Variants in EPHA5 observed in about 807,000 individuals in gnomAD.
EPHA5 encodes ephrin type-A receptor 5.
Under a neutral mutation model 105.0 loss-of-function variants are expected in EPHA5, and 60 were observed. The ratio of observed to expected loss-of-function variants is 0.57; its 90% CI spans 0.46 to 0.71. The LOEUF (loss-of-function observed/expected upper bound fraction) is 0.71, where lower values mean the gene tolerates loss of function less well. EPHA5 is among the 30% of genes least tolerant of loss of function. The pLI, the probability that EPHA5 is intolerant of heterozygous loss-of-function variation, is 0.00. For missense variants in EPHA5, 1,218 were observed against 1,274.7 expected (o/e 0.96, Z 0.68); for synonymous variants, 513 against 449.1 (o/e 1.14, Z -1.80).
At position 65,561,048 on chromosome 4, in the gene EPHA5, C is replaced by A. The variant is rs373620730; in HGVS notation, c.910+40593G>T. The stretch of plus-strand genomic sequence containing the variant: ...TTTAAATCACTTCCATTAGTAAGTA[C>A]AAGGCATTTATCGGTACCAATTAAG... On this transcript the variant is annotated intron_variant, in intron 3 of 16. Coordinates refer to ENST00000613740, the MANE Select transcript of EPHA5 (RefSeq NM_001281766.3). Among the ~76,000 whole-genome samples the A allele has an allele frequency of 1.1e-4, 16 of 151,922 alleles. No homozygotes were observed. In the East Asian group the frequency reaches 2.9e-3, roughly 28 times the overall value.
At chr4:65,417,492 G>A (rs1011811153) in intron 6 of EPHA5, among the ~76,000 whole-genome samples, 2 of 152,036 alleles carry the variant, frequency 1.3e-5, no homozygotes, top group African/African-American at 4.8e-5. Context: ...ATTTTAAAAA[G>A]GAAAACACTG....
chr4:65,397,149 C>T lies in EPHA5; in HGVS notation c.1793+7225G>A, dbSNP rs920401873. On this transcript the variant is annotated intron_variant, in intron 8 of 16. Coordinates refer to ENST00000613740, the MANE Select transcript of EPHA5 (RefSeq NM_001281766.3). ...GACTGTCCTTGGAGACAGGTCACTG[C>T]GTCCAGCCCAAATGGTCCAGCAGGA... is the stretch of plus-strand genomic sequence containing the variant. Among the ~76,000 whole-genome samples the T allele has an allele frequency of 9.9e-5, 15 of 152,174 alleles. 1 individual carries two copies. The highest frequency in any genetic ancestry group is 1.6e-4 in the Non-Finnish European group (11 of 68,032).
At chr4:65,609,874 C>A (rs142431136) in intron 2 of EPHA5, among the ~76,000 whole-genome samples, 28 of 151,466 alleles carry the variant, frequency 1.8e-4, no homozygotes, top group Non-Finnish European at 3.5e-4. Flanking sequence ...ACAAAAAAAA[C>A]CCAAAAAGCA....
chr4:65,447,504 AT>A (rs1028192841), intron 5 of EPHA5, among the ~76,000 whole-genome samples: 12 of 150,452 alleles, frequency 8.0e-5, no homozygotes, highest in Non-Finnish European at 1.6e-4. Context: ...TAATATATAT[AT>A]TTTTTCCTAA....
chr4:65,592,234 A>G (rs1742734927), intron 3 of EPHA5, among the ~76,000 whole-genome samples: 1 of 152,150 alleles, frequency 6.6e-6, no homozygotes, highest in Non-Finnish European at 1.5e-5. Flanking sequence ...AAATTCCATT[A>G]AAACTAATAA....
intron 3 of EPHA5, among the ~76,000 whole-genome samples, chr4:65,546,489 A>G (rs939309515): frequency 3.9e-5 from 6 of 152,012 alleles, no homozygotes; most frequent in Non-Finnish European, 8.8e-5. Flanking sequence ...GCCTATTAAC[A>G]ACCTATTTTT....
At chr4:65,576,151 AAG>A (rs1334244495) in intron 3 of EPHA5, among the ~76,000 whole-genome samples, 1 of 149,710 alleles carries the variant, frequency 6.7e-6, no homozygotes, top group Non-Finnish European at 1.5e-5. Context: ...AAGAAAAAGA[AAG>A]AGAGAGAGAA....
At chr4:65,580,790 CT>C (rs373996186) in intron 3 of EPHA5, among the ~76,000 whole-genome samples, 22 of 147,038 alleles carry the variant, frequency 1.5e-4, no homozygotes, top group African/African-American at 2.5e-4. Flanking sequence ...ACACAGTTTA[CT>C]TTTTTTTTTT....
chr4:65,320,161 T>A lies in EPHA5; in HGVS notation c.*3953A>T. The A allele has an allele frequency of 4.3e-6, 1 of 230,298 alleles. No homozygotes were observed. The allele number at this position is 230,298 out of a possible 1,614,324, so 14.3% of individuals were successfully genotyped here. A position where few individuals can be genotyped will look rare whatever the true frequency, so the allele number is the denominator to read the frequency against. On this transcript the variant is annotated 3_prime_UTR_variant, in exon 17 of 17. Coordinates refer to ENST00000613740, the MANE Select transcript of EPHA5 (RefSeq NM_001281766.3). ...GATTTCTTCATAAATGAATAAGAAA[T>A]GAAAAGAAAGTTCCTATTTCTATTT...
At chr4:65,492,396 T>A (rs553021413) in intron 4 of EPHA5, among the ~76,000 whole-genome samples, 6 of 151,928 alleles carry the variant, frequency 3.9e-5, no homozygotes, top group African/African-American at 1.4e-4. Context: ...GAGATAAGAT[T>A]TCACCATGTT....
intron 7 of EPHA5, among the ~76,000 whole-genome samples, chr4:65,412,963 G>A (rs112600909): frequency 3.3e-5 from 5 of 151,940 alleles, no homozygotes; most frequent in Non-Finnish European, 5.9e-5. Flanking sequence ...TTTCATTTAC[G>A]GCTTTGTTCC....
chr4:65,636,519 A>AT (rs372209600), intron 2 of EPHA5, among the ~76,000 whole-genome samples: 5,226 of 147,498 alleles, frequency 0.035, 285 homozygotes, highest in African/African-American at 0.12. Flanking sequence ...ACTGAATCTC[A>AT]TTTTTTTTTT....
intron 8 of EPHA5, among the ~76,000 whole-genome samples, chr4:65,400,783 G>A (rs1428399072): frequency 6.6e-6 from 1 of 152,002 alleles, no homozygotes; most frequent in Non-Finnish European, 1.5e-5. Flanking sequence ...AATTTTCAGT[G>A]AATATGGATC....
In EPHA5 at chr4:65,438,696, G is replaced by T. The variant is rs150925810; in HGVS notation, c.1403-18131C>A. On this transcript the variant is annotated intron_variant, in intron 5 of 16. Transcript: ENST00000613740. ...GAACAGTAGAGAGATATACCATAGG[G>T]ACTTCAAGCAGAATGAAACTGAAAA... is the stretch of plus-strand genomic sequence containing the variant. Among the ~76,000 whole-genome samples the T allele has an allele frequency of 1.1e-4, 17 of 151,974 alleles. No homozygotes were observed. The East Asian group carries it at 3.3e-3, about 30-fold the overall frequency.
At chr4:65,397,296 C>T (rs1220046518) in intron 8 of EPHA5, among the ~76,000 whole-genome samples, 1 of 152,180 alleles carries the variant, frequency 6.6e-6, no homozygotes, top group Admixed American at 6.5e-5. Context: ...GCTCCCCTCT[C>T]CTCTCTTAGC....
Position 65,332,137 on chromosome 4 carries a change from C to A in EPHA5, c.2790-9G>T. The stretch of plus-strand genomic sequence containing the variant: ...CCAATAAATTAGATACTCTAAAACA[C>A]ATAAAACATAAATATTAAAAGTTAC... On this transcript the variant is annotated splice_polypyrimidine_tract_variant and intron_variant, in intron 15 of 16. Coordinates refer to ENST00000613740, the MANE Select transcript of EPHA5 (RefSeq NM_001281766.3). The A allele has an allele frequency of 1.3e-6, 2 of 1,562,820 alleles. No homozygotes were observed. Among genetic ancestry groups the A allele is most frequent in the Non-Finnish European group, 1.7e-6 (2 of 1,158,172 alleles).
chr4:65,509,257 T>A (rs573630193), intron 3 of EPHA5, among the ~76,000 whole-genome samples: 2 of 152,304 alleles, frequency 1.3e-5, no homozygotes, highest in Middle Eastern at 6.8e-3. Flanking sequence ...ATCTTATTTC[T>A]AAAAGTTTCA....
chr4:65,630,999 G>A (rs971700684), intron 2 of EPHA5, among the ~76,000 whole-genome samples: 15 of 151,944 alleles, frequency 9.9e-5, no homozygotes, highest in Admixed American at 2.6e-4. Context: ...GAGAAAAAGC[G>A]GAACAACACT....
chr4:65,471,862 C>T (rs188461922), intron 5 of EPHA5, among the ~76,000 whole-genome samples: 2 of 152,162 alleles, frequency 1.3e-5, no homozygotes, highest in East Asian at 3.9e-4. Flanking sequence ...CAGAGCCAAA[C>T]CATATCATTC....
Sources: gnomAD v4.1 joint callset for allele counts (sites outside exome capture counted in the v4.1 genomes callset) on GRCh38, gnomAD v4.1.1 for gene constraint, MANE v1.5 for transcripts, NCBI Gene and HGNC (gene_info 2026-07-23, HGNC 2026-07-21) for gene names.